AK9: variants seen among roughly 807,000 people sequenced by gnomAD.
The protein encoded by AK9 is adenylate kinase 9, also known as adenylate kinase domain containing 1.
In AK9, 191 loss-of-function variants were observed where a neutral mutation model predicts 239.6. That is an observed-to-expected ratio of 0.80 (90% CI 0.71 to 0.90). AK9 has a LOEUF of 0.90. AK9 is among the 40% of genes least tolerant of loss of function. The pLI is 0.00. For missense variants in AK9, 1,995 were observed against 2,214.7 expected, an observed-to-expected ratio of 0.90 and a Z score of 1.99; for synonymous variants, 689 against 721.0, an observed-to-expected ratio of 0.96 and a Z score of 0.71.
chr6:109,584,237 T>C (rs959666865), intron 19 of AK9, among the ~76,000 whole-genome samples: 47 of 152,226 alleles, frequency 3.1e-4, no homozygotes, highest in African/African-American at 1.1e-3. Flanking sequence ...TCTGTAATTA[T>C]CCACCTCCCA....
chr6:109,559,167 G>T (rs1583002216), intron 24 of AK9, among the ~76,000 whole-genome samples: 5 of 145,308 alleles, frequency 3.4e-5, no homozygotes, highest in Admixed American at 1.4e-4. Flanking sequence ...ATATCTATCT[G>T]TTTTTTTTTT....
chr6:109,584,612 A>G (rs1213613571), intron 19 of AK9, among the ~76,000 whole-genome samples: 1 of 152,152 alleles, frequency 6.6e-6, no homozygotes, highest in Non-Finnish European at 1.5e-5. Context: ...GTGTGGTCAC[A>G]TTTTAAAAAG....
At chr6:109,679,109 T>C (rs1220314914) in intron 1 of AK9, among the ~76,000 whole-genome samples, 2 of 152,036 alleles carry the variant, frequency 1.3e-5, no homozygotes, top group African/African-American at 2.4e-5. Context: ...GAGACAGAAC[T>C]GTTCACTCCC....
At chr6:109,599,985 G>A (rs139142991) in intron 17 of AK9, among the ~76,000 whole-genome samples, 2,272 of 152,268 alleles carry the variant, frequency 0.015, 58 homozygotes, top group African/African-American at 0.051. Flanking sequence ...GGGCTGAGAC[G>A]ATGGGGTTTT....
rs1417097737 is a variant in AK9, at chr6:109,585,959, A to T, written c.1956T>A (p.Ile652=). ...ATAAATAGATGACCAAATCAGGTAT[A>T]ATTCCTTTCTTGATTAAGGCCATCC... ...ELWMALIKKG[I]IPDLVIYLSD... is the part of the protein sequence containing the mutation. The change falls in exon 18 of 41, where the codon ATT becomes ATA. Residue 652 remains isoleucine, a synonymous_variant. Coordinates refer to ENST00000424296, the MANE Select transcript of AK9 (RefSeq NM_001145128.3). 1.3e-6 allele frequency: 2 copies of T among 1,551,202 alleles called. No individual in the cohort carries two copies. Among genetic ancestry groups the T allele is most frequent in the Admixed American group, 3.9e-5 (2 of 50,966 alleles).
intron 21 of AK9, among the ~76,000 whole-genome samples, chr6:109,565,680 G>A (rs1248230457): frequency 6.6e-6 from 1 of 152,114 alleles, no homozygotes; most frequent in African/African-American, 2.4e-5. Context: ...TCCAGCAGAG[G>A]TAGTTTCAGG....
At chr6:109,538,547 G>T (rs1324269221) in intron 27 of AK9, among the ~76,000 whole-genome samples, 2 of 152,088 alleles carry the variant, frequency 1.3e-5, no homozygotes, top group Admixed American at 6.5e-5. Flanking sequence ...GATGGGTCTT[G>T]ACTCTTTATC....
rs1212349144 is a variant in AK9, at chr6:109,546,009, T to C, written c.3083A>G (p.Glu1028Gly). 1 of 1,614,158 alleles carries C rather than the reference T, an allele frequency of 6.2e-7. No individual in the cohort carries two copies. Among genetic ancestry groups the C allele is most frequent in the Non-Finnish European group, 8.5e-7 (1 of 1,180,018 alleles). Residue 1028 changes from glutamate to glycine, a missense_variant, in exon 26 of 41, where the codon GAA (glutamate) becomes GGA (glycine). Glu to Gly is a moderately conservative substitution (Grantham distance 98). Around this residue, in one of 5 missense-constraint regions of AK9, gnomAD observed 1,290 missense variants for 1,392.7 expected, o/e 0.93. Coordinates refer to ENST00000424296, the MANE Select transcript of AK9 (RefSeq NM_001145128.3). ...FHIQFEEVLQ[E>G]KLLLKTEKKV... ...CTTTTCAGTTTTGAGTAGTAGTTTT[T>C]CTTGAAGAACTTCTTCAAACTGAAT...
At chr6:109,569,405 G>A (rs1389978941) in intron 21 of AK9, among the ~76,000 whole-genome samples, 1 of 152,092 alleles carries the variant, frequency 6.6e-6, no homozygotes. Context: ...AAAAGCAATG[G>A]CAACAAAAGC....
chr6:109,606,398 G>A (rs576524224), intron 17 of AK9, among the ~76,000 whole-genome samples: 2 of 152,254 alleles, frequency 1.3e-5, no homozygotes, highest in South Asian at 2.1e-4. Context: ...TACATGGTGC[G>A]AAGTACACAG....
intron 6 of AK9, 78 bp from the exon 7 acceptor site, chr6:109,659,491 G>A (rs1395621682): frequency 1.3e-6 from 2 of 1,498,554 alleles, no homozygotes; most frequent in Non-Finnish European, 1.8e-6. Context: ...TGAATATATT[G>A]TACAGTACAT....
intron 7 of AK9, 89 bp downstream of exon 7, chr6:109,659,139 A>G: frequency 7.3e-7 from 1 of 1,367,846 alleles, no homozygotes; most frequent in Admixed American, 2.8e-5. Context: ...TATAGCATCT[A>G]CTATTTCCTA....
chr6:109,642,849 T>C (rs912263362), intron 9 of AK9, among the ~76,000 whole-genome samples: 6 of 152,124 alleles, frequency 3.9e-5, no homozygotes, highest in South Asian at 2.1e-4. Flanking sequence ...AGACATCCAA[T>C]TGGAAAAACA....
In AK9 at chr6:109,514,311, T is replaced by C. The variant is rs545314647; in HGVS notation, c.4192A>G (p.Ile1398Val). The C allele has an allele frequency of 7.1e-6, 11 of 1,551,724 alleles. No individual in the cohort carries two copies. Among genetic ancestry groups the C allele is most frequent in the Non-Finnish European group, 9.6e-6 (11 of 1,146,950 alleles). ...GGTTTGGGTTGGCGGATATATTTGA[T>C]TGGGTTCTTCATAAATTTTTCTTTT... The part of the protein sequence containing the change: ...ETKEKFMKNP[I>V]KYIRQPKPKP... Residue 1398 changes from isoleucine (I) to valine (V), a missense_variant, in exon 32 of 41, where the codon ATC becomes GTC. By Grantham distance (29) the Ile-to-Val change is conservative (BLOSUM62 3). This residue lies in a region of AK9 where 1,290 missense variants were observed against 1,392.7 expected (regional missense o/e 0.93). Transcript: ENST00000424296.
intron 17 of AK9, among the ~76,000 whole-genome samples, chr6:109,588,286 G>T (rs1028867323): frequency 6.6e-6 from 1 of 152,026 alleles, no homozygotes; most frequent in Non-Finnish European, 1.5e-5. Flanking sequence ...AGCCAGGATG[G>T]TCTCGATCTC....
rs1388313275 is a variant in AK9 at position 109,691,139 on chromosome 6, A to C, written c.-12+8T>G. On this transcript the variant is annotated splice_region_variant and intron_variant, in intron 1 of 40. Transcript: ENST00000424296. The stretch of plus-strand genomic sequence containing the variant: ...TTTTCTCCGCCCATGTTTTCCTCCA[A>C]TCCTTACCAAAGATGGTGCCCTTCG... 1.1e-5 allele frequency: 6 copies of C among 553,502 alleles called. No individual in the cohort carries two copies. The highest frequency in any genetic ancestry group is 1.6e-5 in the Non-Finnish European group (5 of 307,868). The allele number at this position is 553,502 out of a possible 1,614,324, so 34.3% of individuals were successfully genotyped here. A position where few individuals can be genotyped will look rare whatever the true frequency, so the allele number is the denominator to read the frequency against.
chr6:109,646,116 T>TA (rs947227069), intron 8 of AK9, among the ~76,000 whole-genome samples: 44 of 152,202 alleles, frequency 2.9e-4, no homozygotes, highest in Non-Finnish European at 5.9e-4. Flanking sequence ...CAAAGGTAGA[T>TA]AAAATCACAA....
intron 32 of AK9, among the ~76,000 whole-genome samples, chr6:109,512,384 TGCTGTGTCTATGGAGTAGCCA>T (rs1778842408): frequency 2.0e-5 from 3 of 152,362 alleles, no homozygotes; most frequent in African/African-American, 7.2e-5. Context: ...CCCTGGGGGC[TGCTGTGTCTATGGAGTAGCCA>T]TTCCTTCACT....
At chr6:109,659,820 G>T (rs1046338485) in intron 6 of AK9, among the ~76,000 whole-genome samples, 6 of 152,050 alleles carry the variant, frequency 3.9e-5, no homozygotes, top group Non-Finnish European at 7.4e-5. Context: ...AAAATATATT[G>T]TTTATTTGTA....
Sources: gnomAD v4.1 joint callset for allele counts (sites outside exome capture counted in the v4.1 genomes callset) on GRCh38, gnomAD v4.1.1 for gene constraint, gnomAD v4.1.1 regional missense constraint, MANE v1.5 for transcripts, NCBI Gene and HGNC (gene_info 2026-07-23, HGNC 2026-07-21) for gene names.